Variants in ADAM22 observed in about 807,000 individuals in gnomAD.
The protein encoded by ADAM22 is disintegrin and metalloproteinase domain-containing protein 22.
ADAM22 carries 65 observed loss-of-function variants against 144.6 expected under a neutral mutation model. That is an observed-to-expected ratio of 0.45 (90% CI 0.37 to 0.55). The LOEUF (loss-of-function observed/expected upper bound fraction) is 0.55, where lower values mean the gene tolerates loss of function less well. Ranked by LOEUF, ADAM22 falls within the 20% of genes least tolerant of loss-of-function variation. The pLI, the probability that ADAM22 is intolerant of heterozygous loss-of-function variation, is 0.00. For synonymous variants in ADAM22, 391 were observed against 412.6 expected (o/e 0.95, Z 0.63); for missense variants, 974 against 1,184.9 (o/e 0.82, Z 2.61).
chr7:88,027,417 A>G (rs1799244115), intron 3 of ADAM22, among the ~76,000 whole-genome samples: 1 of 152,088 alleles, frequency 6.6e-6, no homozygotes, highest in South Asian at 2.1e-4. Flanking sequence ...TTTACTTGTT[A>G]TTACTCTGTT....
At position 88,057,544 on chromosome 7, in the gene ADAM22, A is replaced by G. The variant is rs555006731; in HGVS notation, c.324-18082A>G. ...AAGAAGATCTCAAGATGACAGTTTT[A>G]AAAATGACAACTCTCATCTGACTAT... On this transcript the variant is annotated intron_variant, in intron 3 of 31. Coordinates refer to ENST00000413139, the MANE Select transcript of ADAM22 (RefSeq NM_001324418.2). Among the ~76,000 whole-genome samples the G allele has an allele frequency of 2.0e-5, 3 of 152,362 alleles. No individual in the cohort carries two copies. The South Asian group carries it at 6.2e-4, about 32-fold the overall frequency.
intron 3 of ADAM22, among the ~76,000 whole-genome samples, chr7:88,018,340 A>C (rs1797007987): frequency 6.6e-6 from 1 of 152,068 alleles, no homozygotes; most frequent in South Asian, 2.1e-4. Flanking sequence ...TCTTCCTTAA[A>C]ACTTTGTTAA....
At chr7:88,145,572 G>C (rs1836145352) in intron 17 of ADAM22, 65 bp downstream of exon 17, 1 of 1,292,142 alleles carries the variant, frequency 7.7e-7, no homozygotes, top group Non-Finnish European at 1.1e-6. Context: ...CATTAAGGCT[G>C]GGTAAATATA....
At chr7:88,097,000 T>G (rs1028305982) in intron 4 of ADAM22, among the ~76,000 whole-genome samples, 1 of 152,102 alleles carries the variant, frequency 6.6e-6, no homozygotes, top group Non-Finnish European at 1.5e-5. Context: ...TGTTAATAAA[T>G]CCTGGGCTAA....
intron 3 of ADAM22, among the ~76,000 whole-genome samples, chr7:88,048,209 A>C (rs73202341): frequency 0.025 from 3,731 of 152,234 alleles, 72 homozygotes; most frequent in Non-Finnish European, 0.037. Context: ...TGGTATTTTT[A>C]ATAGTTACAT....
Position 88,202,528 on chromosome 7 carries a change from CAT to C in ADAM22, c.*6038_*6039del, listed in dbSNP as rs1433373431. On this transcript the variant is annotated 3_prime_UTR_variant, in exon 32 of 32. Coordinates refer to ENST00000413139, the MANE Select transcript of ADAM22 (RefSeq NM_001324418.2). ...GTTTCACTTTTGGTAATCAGGTAAT[CAT>C]GTGTATATACTTAGATTCGCATTAT... The C allele has an allele frequency of 1.3e-5, 2 of 152,156 alleles. No homozygotes were observed. 9.4% of individuals were successfully genotyped at this position (152,156 alleles called of 1,614,324 possible).
intron 3 of ADAM22, among the ~76,000 whole-genome samples, chr7:88,043,482 A>G (rs1193027335): frequency 7.1e-6 from 1 of 140,492 alleles, no homozygotes; most frequent in African/African-American, 2.9e-5. Flanking sequence ...GAGGCTCAGT[A>G]TCAAAAAAAA....
intron 7 of ADAM22, among the ~76,000 whole-genome samples, chr7:88,120,914 T>A (rs905849785): frequency 2.0e-5 from 3 of 152,204 alleles, no homozygotes; most frequent in African/African-American, 7.2e-5. Context: ...AGATCTAGGA[T>A]CCTCTTCAAA....
intron 3 of ADAM22, among the ~76,000 whole-genome samples, chr7:88,007,691 G>A (rs1794287655): frequency 6.6e-6 from 1 of 152,154 alleles, no homozygotes. Context: ...AAACTGGCTA[G>A]CCATATGTAG....
intron 2 of ADAM22, among the ~76,000 whole-genome samples, chr7:87,963,995 T>A (rs1230369851): frequency 6.6e-6 from 1 of 152,214 alleles, no homozygotes; most frequent in Non-Finnish European, 1.5e-5. Flanking sequence ...ATATATTTTT[T>A]CTTGTAATAA....
rs4728720 is a variant in ADAM22, at chr7:87,989,542, C to T, written c.323+11130C>T. Among the ~76,000 whole-genome samples, 362 of 152,232 alleles carry T rather than the reference C, an allele frequency of 2.4e-3. 11 individuals are homozygous for T. Among genetic ancestry groups the T allele is most frequent in the Admixed American group, 0.019 (287 of 15,286 alleles). On this transcript the variant is annotated intron_variant, in intron 3 of 31. Transcript: ENST00000413139. ...TAGTATTCATACTCATGCTATATAGCCTGGTTAGTAGAAAACTAATTACAT... is the reference window on the plus strand; with the variant it reads ...TAGTATTCATACTCATGCTATATAGTCTGGTTAGTAGAAAACTAATTACAT...
At chr7:88,182,439 T>C (rs1847300516) in intron 29 of ADAM22, among the ~76,000 whole-genome samples, 1 of 152,208 alleles carries the variant, frequency 6.6e-6, no homozygotes, top group Non-Finnish European at 1.5e-5. Context: ...AGCATGATAC[T>C]GCTCATGATC....
At position 87,956,054 on chromosome 7, in the gene ADAM22, GGAACTCCCT is replaced by G. The variant is rs572676209; in HGVS notation, c.246+20871_246+20879del. On this transcript the variant is annotated intron_variant, in intron 2 of 31. Transcript: ENST00000413139. ...TCACCCCTTTCCTTGACCAGGAAAG[GGAACTCCCT>G]GACCCCTTGCGCTTCCCGAGTGAGG... is the stretch of plus-strand genomic sequence containing the variant. Among the ~76,000 whole-genome samples the G allele has an allele frequency of 5.4e-3, 816 of 152,300 alleles. 3 individuals are homozygous for G. The highest frequency in any genetic ancestry group is 0.019 in the African/African-American group (785 of 41,568).
intron 3 of ADAM22, among the ~76,000 whole-genome samples, chr7:88,019,263 C>A (rs552769000): frequency 6.6e-6 from 1 of 152,142 alleles, no homozygotes; most frequent in East Asian, 1.9e-4. Flanking sequence ...CACTTGAGGC[C>A]AGGAGTTGGA....
At chr7:88,132,795 A>C (rs1832125400) in intron 11 of ADAM22, 72 bp from the exon 12 acceptor site, 1 of 1,208,568 alleles carries the variant, frequency 8.3e-7, no homozygotes, top group Non-Finnish European at 1.2e-6. Context: ...TAAATGTAGT[A>C]AACTAATAAT....
chr7:87,980,055 C>T (rs1438994117), intron 3 of ADAM22, among the ~76,000 whole-genome samples: 1 of 152,134 alleles, frequency 6.6e-6, no homozygotes, highest in African/African-American at 2.4e-5. Context: ...TTGGAGACAT[C>T]CGAGTCCAAA....
At chr7:88,080,795 C>A (rs1175575640) in intron 4 of ADAM22, among the ~76,000 whole-genome samples, 2 of 152,038 alleles carry the variant, frequency 1.3e-5, no homozygotes, top group African/African-American at 4.8e-5. Context: ...AAGACTAAAC[C>A]AGGAAGAAGT....
At chr7:88,084,158 C>CT (rs1817764650) in intron 4 of ADAM22, among the ~76,000 whole-genome samples, 1 of 152,132 alleles carries the variant, frequency 6.6e-6, no homozygotes, top group African/African-American at 2.4e-5. Context: ...TCTCTGCTGT[C>CT]TCTACAGTAA....
chr7:88,069,474 G>A (rs1286972614), intron 3 of ADAM22, among the ~76,000 whole-genome samples: 1 of 152,180 alleles, frequency 6.6e-6, no homozygotes, highest in East Asian at 1.9e-4. Flanking sequence ...CACAGGGCCA[G>A]CTCAGATTCA....
Sources: allele counts gnomAD v4.1 joint callset (sites outside exome capture counted in the v4.1 genomes callset), GRCh38; gene constraint gnomAD v4.1.1; transcripts MANE v1.5; gene names NCBI Gene and HGNC (gene_info 2026-07-23, HGNC 2026-07-21).